BFSP1: variants seen among roughly 807,000 people sequenced by gnomAD.
The protein encoded by BFSP1 is beaded filament structural protein 1, also known as filensin.
A neutral mutation model predicts 43.9 loss-of-function variants in BFSP1; 38 were observed. The observed-to-expected ratio is 0.87, with a 90% CI of 0.67 to 1.14. The LOEUF (loss-of-function observed/expected upper bound fraction) is 1.14, where lower values mean the gene tolerates loss of function less well. Among genes scored for constraint, BFSP1 ranks in the 50% most tolerant of loss-of-function variants. BFSP1 has a pLI of 0.00. For missense variants in BFSP1, 850 were observed against 875.1 expected, an observed-to-expected ratio of 0.97 and a Z score of 0.36; for synonymous variants, 352 against 354.8, an observed-to-expected ratio of 0.99 and a Z score of 0.09.
upstream of BFSP1, among the ~76,000 whole-genome samples, chr20:17,559,645 G>C (rs2035049172): frequency 6.6e-6 from 1 of 152,164 alleles, no homozygotes; most frequent in Non-Finnish European, 1.5e-5. Flanking sequence ...GACCACCTGA[G>C]CTCCACCTCC....
chr20:17,539,404 G>C (rs1334982895), intron 1 of BFSP1, among the ~76,000 whole-genome samples: 2 of 151,776 alleles, frequency 1.3e-5, no homozygotes, highest in African/African-American at 4.8e-5. Context: ...GAGCCACCAT[G>C]CCCAGCCCAT....
chr20:17,558,368 T>C (rs564175433), intron 1 of BFSP1, among the ~76,000 whole-genome samples: 25 of 152,310 alleles, frequency 1.6e-4, no homozygotes, highest in African/African-American at 5.8e-4. Flanking sequence ...ACTTTGGCCG[T>C]TCAAGAAGGG....
At chr20:17,542,097 T>A (rs2034727371) in intron 1 of BFSP1, among the ~76,000 whole-genome samples, 1 of 152,118 alleles carries the variant, frequency 6.6e-6, no homozygotes, top group African/African-American at 2.4e-5. Flanking sequence ...CCTGCCTGCA[T>A]TTGGGGCACT....
At chr20:17,560,199 T>A (rs2035054662), upstream of BFSP1, among the ~76,000 whole-genome samples, 1 of 152,146 alleles carries the variant, frequency 6.6e-6, no homozygotes, top group African/African-American at 2.4e-5. Flanking sequence ...TCTACATCTA[T>A]CTTATGTATC....
chr20:17,510,639 TATAAA>T (rs2034055771), intron 4 of BFSP1, among the ~76,000 whole-genome samples: 3 of 152,336 alleles, frequency 2.0e-5, no homozygotes, highest in Middle Eastern at 3.4e-3. Context: ...TTTAGCTTTG[TATAAA>T]ATAATTAAGA....
intron 1 of BFSP1, among the ~76,000 whole-genome samples, chr20:17,544,311 G>A (rs372674232): frequency 4.0e-4 from 61 of 152,184 alleles, no homozygotes; most frequent in African/African-American, 1.4e-3. Context: ...GTTGAGGGCT[G>A]CTCCCTACAC....
At position 17,507,289 on chromosome 20, in the gene BFSP1, G is replaced by A. The variant is rs1037789400; in HGVS notation, c.735+1600C>T. Among the ~76,000 whole-genome samples, 16 of 152,052 alleles carry A rather than the reference G, an allele frequency of 1.1e-4. No homozygotes were observed. Among genetic ancestry groups the A allele is most frequent in the African/African-American group, 3.9e-4 (16 of 41,442 alleles). On this transcript the variant is annotated intron_variant, in intron 5 of 7. Transcript: ENST00000377873. This position sits in a 1 kb window ranked among gnomAD's most constrained non-coding sequence, Gnocchi z 4.4. The stretch of plus-strand genomic sequence containing the variant: ...GATAGGTAGGTGTGTGTGTGTGTGT[G>A]TGTGTGTGTGTGTGTGTATTTCAAC...
intron 3 of BFSP1, among the ~76,000 whole-genome samples, chr20:17,513,273 C>CA (rs1236812121): frequency 1.3e-5 from 2 of 152,100 alleles, no homozygotes; most frequent in Non-Finnish European, 2.9e-5. Flanking sequence ...ACATCAGTGA[C>CA]AAAAAATCAC....
At chr20:17,557,568 C>T (rs1007924687) in intron 1 of BFSP1, among the ~76,000 whole-genome samples, 1 of 152,194 alleles carries the variant, frequency 6.6e-6, no homozygotes, top group African/African-American at 2.4e-5. Flanking sequence ...CCGGCATGAC[C>T]CAGCTAACTT....
At chr20:17,532,662 A>C (rs1366069827), upstream of BFSP1, among the ~76,000 whole-genome samples, 1 of 151,684 alleles carries the variant, frequency 6.6e-6, no homozygotes, top group Non-Finnish European at 1.5e-5. Flanking sequence ...TTTTAAGGAC[A>C]AGCTTTTAAA....
chr20:17,558,496 G>T lies in BFSP1; in HGVS notation c.2+192C>A, dbSNP rs114059928. 1.0e-3 allele frequency among the ~76,000 whole-genome samples: 156 copies of T among 152,296 alleles called. 1 individual carries two copies. The highest frequency in any genetic ancestry group is 3.4e-3 in the African/African-American group (141 of 41,554). Reference sequence around the variant, plus strand: ...TGTTTCTTGTAACCATGGTGCTTTAGTTGAGTGTGTCTTATGTCAGACTAC... The same window carrying T: ...TGTTTCTTGTAACCATGGTGCTTTATTTGAGTGTGTCTTATGTCAGACTAC... On this transcript the variant is annotated intron_variant, in intron 1 of 7. Transcript: ENST00000377868.
intron 1 of BFSP1, among the ~76,000 whole-genome samples, chr20:17,550,289 A>G (rs1417875565): frequency 6.6e-6 from 1 of 152,084 alleles, no homozygotes; most frequent in East Asian, 1.9e-4. Context: ...AAGAGGAGAA[A>G]TGTCTCATCT....
At chr20:17,528,038 G>A (rs1423036833) in intron 1 of BFSP1, among the ~76,000 whole-genome samples, 1 of 152,124 alleles carries the variant, frequency 6.6e-6, no homozygotes, top group African/African-American at 2.4e-5. Context: ...ATGGAACCAA[G>A]CCTGCACATA....
upstream of BFSP1, among the ~76,000 whole-genome samples, chr20:17,559,347 A>G (rs1034652859): frequency 6.6e-6 from 1 of 152,250 alleles, no homozygotes; most frequent in East Asian, 1.9e-4. Flanking sequence ...TAGTATTACT[A>G]GAACAGGATA....
At chr20:17,528,459 A>G (rs916455049) in intron 1 of BFSP1, among the ~76,000 whole-genome samples, 4 of 152,226 alleles carry the variant, frequency 2.6e-5, no homozygotes, top group African/African-American at 7.2e-5. Context: ...TTGATGGTCC[A>G]TCAAGCTGCC....
At chr20:17,510,322 T>C (rs1375932399) in intron 4 of BFSP1, among the ~76,000 whole-genome samples, 1 of 152,184 alleles carries the variant, frequency 6.6e-6, no homozygotes, top group Admixed American at 6.6e-5. Flanking sequence ...TGGGAATAGA[T>C]GATACAATTC....
intron 1 of BFSP1, among the ~76,000 whole-genome samples, chr20:17,530,107 G>A (rs1166669111): frequency 6.6e-6 from 1 of 152,178 alleles, no homozygotes; most frequent in African/African-American, 2.4e-5. Context: ...TGATTCTGGA[G>A]TTCTAGGGTG....
intron 1 of BFSP1, among the ~76,000 whole-genome samples, chr20:17,546,528 C>T (rs1054241665): frequency 6.6e-6 from 1 of 152,026 alleles, no homozygotes; most frequent in Non-Finnish European, 1.5e-5. Context: ...ATGTTGAAAC[C>T]CCGTTTCTAC....
intron 5 of BFSP1, among the ~76,000 whole-genome samples, chr20:17,506,520 A>C (rs1568686576): frequency 2.0e-5 from 3 of 149,510 alleles, no homozygotes; most frequent in African/African-American, 7.5e-5. Context: ...TAATATAATT[A>C]GTTTCTTTTT....
Sources: gnomAD v4.1 joint callset for allele counts (sites outside exome capture counted in the v4.1 genomes callset) on GRCh38, gnomAD v4.1.1 for gene constraint, Gnocchi (gnomAD v3.1) non-coding constraint, MANE v1.5 for transcripts, NCBI Gene and HGNC (gene_info 2026-07-23, HGNC 2026-07-21) for gene names.